The following RBMS1 variants were observed in gnomAD, a reference collection of about 807,000 sequenced individuals.
RBMS1 encodes the protein RNA binding motif single stranded interacting protein 1.
A neutral mutation model predicts 62.3 loss-of-function variants in RBMS1; 17 were observed. That is an observed-to-expected ratio of 0.27 (90% CI 0.19 to 0.41). The LOEUF (loss-of-function observed/expected upper bound fraction) is 0.41. Ranked by LOEUF, RBMS1 falls within the 10% of genes least tolerant of loss-of-function variation. The pLI, the probability that RBMS1 is intolerant of heterozygous loss-of-function variation, is 1.00. For missense variants in RBMS1, 334 were observed against 504.5 expected, an observed-to-expected ratio of 0.66 and a Z score of 3.24; for synonymous variants, 172 against 170.0, an observed-to-expected ratio of 1.01 and a Z score of -0.09.
In RBMS1 at chr2:160,493,476, G is replaced by GGCA; in HGVS notation, c.-114_-113insTGC. Reference sequence around the variant, plus strand: ...CGGCGGCAGCGGCGGCGGCGGCGGCGGCTGCTGCTGCTGCCGCTGCTCCAC... The same window carrying GGCA: ...CGGCGGCAGCGGCGGCGGCGGCGGCGGCAGCTGCTGCTGCTGCCGCTGCTCCAC... On this transcript the variant is annotated 5_prime_UTR_variant, in exon 1 of 14. Transcript: ENST00000348849. 1 of 873,242 alleles carries GGCA rather than the reference G, an allele frequency of 1.1e-6. No homozygotes were observed. The highest frequency in any genetic ancestry group is 1.8e-6 in the Non-Finnish European group (1 of 547,228). 54.1% of individuals were successfully genotyped at this position (873,242 alleles called of 1,614,324 possible). A position where few individuals can be genotyped will look rare whatever the true frequency, so the allele number is the denominator to read the frequency against.
chr2:160,350,133 G>A (rs1321106291), intron 2 of RBMS1, among the ~76,000 whole-genome samples: 2 of 151,860 alleles, frequency 1.3e-5, no homozygotes, highest in Non-Finnish European at 1.5e-5. Context: ...GGGAGAGGAG[G>A]CAGAAAATAT....
At position 160,318,164 on chromosome 2, in the gene RBMS1, C is replaced by T; in HGVS notation, c.310+5G>A. The T allele has an allele frequency of 6.9e-7, 1 of 1,441,262 alleles. No homozygotes were observed. The highest frequency in any genetic ancestry group is 9.2e-7 in the Non-Finnish European group (1 of 1,083,546). 89.3% of individuals were successfully genotyped at this position (1,441,262 alleles called of 1,614,324 possible). On this transcript the variant is annotated splice_donor_5th_base_variant and intron_variant, in intron 3 of 13. Coordinates refer to ENST00000348849, the MANE Select transcript of RBMS1 (RefSeq NM_016836.4). ...TTTACCAAATAACCAGCCAAGAAAA[C>T]ATACCTTTGCATTTGTTCGTTGTCT... is the stretch of plus-strand genomic sequence containing the variant.
intron 1 of RBMS1, among the ~76,000 whole-genome samples, chr2:160,481,078 TAAA>T (rs71006610): frequency 1.5e-4 from 17 of 112,456 alleles, no homozygotes; most frequent in Admixed American, 1.9e-4. Flanking sequence ...GAGACTGCCT[TAAA>T]AAAAAAAAAA....
At chr2:160,303,586 C>T (rs1689329884) in intron 4 of RBMS1, 99 bp from the exon 5 acceptor site, 1 of 1,331,284 alleles carries the variant, frequency 7.5e-7, no homozygotes, top group East Asian at 2.4e-5. Context: ...TGCTCAAGTC[C>T]TTTTAAAGTA....
chr2:160,348,809 T>C (rs1251692684), intron 2 of RBMS1, among the ~76,000 whole-genome samples: 2 of 152,124 alleles, frequency 1.3e-5, no homozygotes, highest in Admixed American at 1.3e-4. Flanking sequence ...GCTTTGAAAA[T>C]TGACGATTCA....
intron 1 of RBMS1, among the ~76,000 whole-genome samples, chr2:160,424,366 G>GC (rs1491507651): frequency 4.0e-5 from 1 of 25,158 alleles, no homozygotes; most frequent in African/African-American, 2.7e-4. Context: ...GTGAGAGATT[G>GC]GGGGGGGGGG....
At chr2:160,295,670 A>G (rs1688897720) in intron 6 of RBMS1, among the ~76,000 whole-genome samples, 1 of 152,220 alleles carries the variant, frequency 6.6e-6, no homozygotes, top group African/African-American at 2.4e-5. Flanking sequence ...GATGTGACCA[A>G]TAGTCTGCAA....
At chr2:160,475,723 G>A (rs1380549271) in intron 1 of RBMS1, among the ~76,000 whole-genome samples, 1 of 152,106 alleles carries the variant, frequency 6.6e-6, no homozygotes, top group Non-Finnish European at 1.5e-5. Context: ...GAAACCCTGA[G>A]CAAATCCTGA....
chr2:160,397,037 A>G (rs559548086), intron 1 of RBMS1, among the ~76,000 whole-genome samples: 2 of 152,066 alleles, frequency 1.3e-5, no homozygotes, highest in African/African-American at 4.8e-5. Context: ...CAATTTTCAG[A>G]GCATACTCAT....
Position 160,393,634 on chromosome 2 carries a change from G to A in RBMS1, c.76-26243C>T, listed in dbSNP as rs532408226. 3.9e-4 allele frequency among the ~76,000 whole-genome samples: 60 copies of A among 152,096 alleles called. 1 individual carries two copies. The South Asian group carries it at 0.011, about 28-fold the overall frequency. On this transcript the variant is annotated intron_variant, in intron 1 of 13. Coordinates refer to ENST00000348849, the MANE Select transcript of RBMS1 (RefSeq NM_016836.4). ...CTCCACTAAAAATACAAAATTAGCC[G>A]GGTGTGGTGGCACATGTCTGTAATC...
intron 1 of RBMS1, among the ~76,000 whole-genome samples, chr2:160,379,504 G>A (rs1037982160): frequency 2.0e-5 from 3 of 152,216 alleles, no homozygotes; most frequent in Non-Finnish European, 4.4e-5. Flanking sequence ...TGCCCTGGGA[G>A]CTAACCAAAC....
intron 2 of RBMS1, among the ~76,000 whole-genome samples, chr2:160,357,142 A>C (rs190839831): frequency 6.6e-6 from 1 of 152,276 alleles, no homozygotes; most frequent in Non-Finnish European, 1.5e-5. Flanking sequence ...GCTGCTACAG[A>C]AATCCAAGGC....
At chr2:160,349,690 T>A (rs1692384798) in intron 2 of RBMS1, among the ~76,000 whole-genome samples, 1 of 152,108 alleles carries the variant, frequency 6.6e-6, no homozygotes, top group Non-Finnish European at 1.5e-5. Flanking sequence ...ATACCCAGCC[T>A]TCCTTTGTGC....
chr2:160,438,549 CAT>C (rs1313287806), intron 1 of RBMS1, among the ~76,000 whole-genome samples: 1 of 152,194 alleles, frequency 6.6e-6, no homozygotes, highest in Non-Finnish European at 1.5e-5. Flanking sequence ...GGACACAGCA[CAT>C]GTTTCAGAGA....
Position 160,274,734 on chromosome 2 carries a change from C to T in RBMS1, c.*38G>A, listed in dbSNP as rs1198434233. 6.6e-6 allele frequency: 1 copy of T among 152,590 alleles called. No individual in the cohort carries two copies. The allele number at this position is 152,590 out of a possible 1,614,324, so 9.5% of individuals were successfully genotyped here. A position where few individuals can be genotyped will look rare whatever the true frequency, so the allele number is the denominator to read the frequency against. ...TCCATGATTGTTCAGCCTTCACACC[C>T]TTCTTCATGTAAGAACACCTTTCTG... is the stretch of plus-strand genomic sequence containing the variant. On this transcript the variant is annotated 3_prime_UTR_variant, in exon 14 of 14. Coordinates refer to ENST00000348849, the MANE Select transcript of RBMS1 (RefSeq NM_016836.4).
chr2:160,480,101 T>C (rs1379378776), intron 1 of RBMS1, among the ~76,000 whole-genome samples: 11 of 152,162 alleles, frequency 7.2e-5, no homozygotes, highest in Non-Finnish European at 1.6e-4. Context: ...TCCCAATCTT[T>C]GCTTTCACAA....
chr2:160,476,551 CTTTT>C (rs755429434), intron 1 of RBMS1, among the ~76,000 whole-genome samples: 8 of 111,278 alleles, frequency 7.2e-5, no homozygotes, highest in Admixed American at 2.0e-4. Flanking sequence ...AAACACACTT[CTTTT>C]TTTTTTTTTT....
At chr2:160,483,124 T>C (rs1034992788) in intron 1 of RBMS1, among the ~76,000 whole-genome samples, 2 of 151,738 alleles carry the variant, frequency 1.3e-5, no homozygotes, top group African/African-American at 4.8e-5. Context: ...AGATTTCTTC[T>C]GCTAAACTTA....
chr2:160,447,891 C>T (rs915293961), intron 1 of RBMS1, among the ~76,000 whole-genome samples: 3 of 152,190 alleles, frequency 2.0e-5, no homozygotes, highest in South Asian at 4.1e-4. Flanking sequence ...CATCTCCTTT[C>T]CCCAAGACTC....
Sources: allele counts gnomAD v4.1 joint callset (sites outside exome capture counted in the v4.1 genomes callset), GRCh38; gene constraint gnomAD v4.1.1; transcripts MANE v1.5; gene names NCBI Gene and HGNC (gene_info 2026-07-23, HGNC 2026-07-21).